Variants in TIAM1 observed in about 807,000 individuals in gnomAD.
TIAM1 encodes rho guanine nucleotide exchange factor TIAM1.
In TIAM1, 65 loss-of-function variants were observed where a neutral mutation model predicts 163.5. The observed-to-expected ratio is 0.40, with a 90% CI of 0.33 to 0.49. The LOEUF is 0.49. Among genes scored for constraint, TIAM1 ranks in the 20% least tolerant of loss-of-function variants. The pLI is 0.77. For synonymous variants in TIAM1, 833 were observed against 810.1 expected, an observed-to-expected ratio of 1.03 and a Z score of -0.48; for missense variants, 1,789 against 2,044.7, an observed-to-expected ratio of 0.87 and a Z score of 2.41.
At chr21:31,422,744 T>C (rs541227024) in intron 2 of TIAM1, among the ~76,000 whole-genome samples, 1 of 152,332 alleles carries the variant, frequency 6.6e-6, no homozygotes, top group South Asian at 2.1e-4. Context: ...TGAGTATCTT[T>C]GTACCTTTGC....
At chr21:31,435,111 G>A (rs914625294) in intron 2 of TIAM1, among the ~76,000 whole-genome samples, 6 of 151,972 alleles carry the variant, frequency 3.9e-5, no homozygotes, top group African/African-American at 9.7e-5. Flanking sequence ...CAAGAACTTC[G>A]GGGCCACTGG....
chr21:31,196,322 T>C (rs1222319017), intron 12 of TIAM1, among the ~76,000 whole-genome samples: 1 of 151,302 alleles, frequency 6.6e-6, no homozygotes, highest in Non-Finnish European at 1.5e-5. Context: ...TTTCTTTTTT[T>C]TTTTTTTCAC....
At chr21:31,413,617 CCTGT>C (rs1225645598) in intron 2 of TIAM1, among the ~76,000 whole-genome samples, 1 of 152,122 alleles carries the variant, frequency 6.6e-6, no homozygotes, top group Non-Finnish European at 1.5e-5. Context: ...CAGTTTTGCT[CCTGT>C]CTTTGTCCCC....
chr21:31,377,915 T>A (rs962877243), intron 2 of TIAM1, among the ~76,000 whole-genome samples: 12 of 151,098 alleles, frequency 7.9e-5, no homozygotes, highest in Admixed American at 6.6e-4. Context: ...GGTGGGCAGA[T>A]CACTTGAAGA....
intron 2 of TIAM1, among the ~76,000 whole-genome samples, chr21:31,418,639 G>A (rs2833400): frequency 0.24 from 36,440 of 152,062 alleles, 6,118 homozygotes; most frequent in African/African-American, 0.47. Flanking sequence ...AAGGTTAGCA[G>A]TAAGTGCAGC....
intron 2 of TIAM1, among the ~76,000 whole-genome samples, chr21:31,350,516 A>G (rs1158588425): frequency 6.6e-6 from 1 of 152,036 alleles, no homozygotes; most frequent in Non-Finnish European, 1.5e-5. Flanking sequence ...TGGATTTCTC[A>G]TGTAGAGTTG....
At chr21:31,458,346 G>A (rs931953110) in intron 2 of TIAM1, among the ~76,000 whole-genome samples, 3 of 151,976 alleles carry the variant, frequency 2.0e-5, no homozygotes, top group Non-Finnish European at 2.9e-5. Context: ...CTTGAACCCG[G>A]GAGACGGAGG....
In TIAM1 at chr21:31,173,532, A is replaced by AAG. The variant is rs57981769; in HGVS notation, c.2888-8469_2888-8468dup. Among the ~76,000 whole-genome samples, 339 of 147,958 alleles carry AAG rather than the reference A, an allele frequency of 2.3e-3. 1 individual carries two copies. Among genetic ancestry groups the AAG allele is most frequent in the Middle Eastern group, 7.0e-3 (2 of 284 alleles). ...CAAGAAAGAAAGAGAGAGCGAGAGAAAGAGAGAGAGAGAGAGAGAGAAAAG... is the reference window on the plus strand; with the variant it reads ...CAAGAAAGAAAGAGAGAGCGAGAGAAAGAGAGAGAGAGAGAGAGAGAGAAAAG... On this transcript the variant is annotated intron_variant, in intron 15 of 27. Coordinates refer to ENST00000541036, the MANE Select transcript of TIAM1 (RefSeq NM_001353694.2).
intron 1 of TIAM1, among the ~76,000 whole-genome samples, chr21:31,341,051 C>G (rs188381326): frequency 4.5e-4 from 68 of 152,160 alleles, no homozygotes; most frequent in Admixed American, 3.3e-4. Flanking sequence ...CTTCCTTCAC[C>G]TTCCATTGAG....
chr21:31,443,441 CT>C (rs1172298340), intron 2 of TIAM1, among the ~76,000 whole-genome samples: 1 of 152,202 alleles, frequency 6.6e-6, no homozygotes, highest in Non-Finnish European at 1.5e-5. Context: ...AAGGAAAGAT[CT>C]GATATTTTAA....
At chr21:31,424,167 A>G (rs1940928831) in intron 2 of TIAM1, among the ~76,000 whole-genome samples, 1 of 152,180 alleles carries the variant, frequency 6.6e-6, no homozygotes, top group African/African-American at 2.4e-5. Context: ...TTTCTTTTTC[A>G]TTTTTAATAG....
chr21:31,337,005 C>T (rs1416265260), intron 2 of TIAM1, among the ~76,000 whole-genome samples: 1 of 152,178 alleles, frequency 6.6e-6, no homozygotes, highest in African/African-American at 2.4e-5. Flanking sequence ...CCAAGCAACC[C>T]ACCCTGGAGG....
intron 1 of TIAM1, among the ~76,000 whole-genome samples, chr21:31,558,106 C>T (rs1313413120): frequency 6.6e-6 from 1 of 152,216 alleles, no homozygotes; most frequent in Admixed American, 6.5e-5. Context: ...CGGCGCGCTG[C>T]TCTCGCCCAA....
Position 31,182,506 on chromosome 21 carries a change from C to T in TIAM1, c.2802G>A (p.Val934=), listed in dbSNP as rs774791547. 2 of 1,613,404 alleles carry T rather than the reference C, an allele frequency of 1.2e-6. No homozygotes were observed. Among genetic ancestry groups the T allele is most frequent in the Admixed American group, 1.7e-5 (1 of 59,842 alleles). The change falls in exon 15 of 28, where the codon GTG becomes GTA. Residue 934 remains valine, a synonymous_variant. Transcript: ENST00000541036. ...VRTYPELEEG[V]ELLESPPHRV... ...GGTGGGGCGGGCTTTCCAGCAGCTC[C>T]ACTCCTTCCTCCAGCTCGGGGTAGG...
intron 1 of TIAM1, among the ~76,000 whole-genome samples, chr21:31,545,566 T>C (rs1385193335): frequency 6.6e-6 from 1 of 152,028 alleles, no homozygotes; most frequent in Non-Finnish European, 1.5e-5. Context: ...ACAACCATGA[T>C]TGGGACTGTG....
intron 16 of TIAM1, among the ~76,000 whole-genome samples, chr21:31,163,672 C>T (rs2084045967): frequency 2.0e-5 from 3 of 152,078 alleles, no homozygotes; most frequent in Admixed American, 6.5e-5. Flanking sequence ...AATGTACAAA[C>T]GTAGGTTTTC....
At chr21:31,240,548 C>T (rs1452785649) in intron 6 of TIAM1, among the ~76,000 whole-genome samples, 2 of 152,154 alleles carry the variant, frequency 1.3e-5, no homozygotes, top group Non-Finnish European at 2.9e-5. Flanking sequence ...TAGATCTCTA[C>T]ATCTTCCCCA....
rs539360880 is a variant in TIAM1 at position 31,192,633 on chromosome 21, T to C, written c.2575+2591A>G. 3.7e-4 allele frequency among the ~76,000 whole-genome samples: 56 copies of C among 151,998 alleles called. 1 individual carries two copies. Among genetic ancestry groups the C allele is most frequent in the South Asian group, 1.0e-3 (5 of 4,816 alleles). On this transcript the variant is annotated intron_variant, in intron 13 of 27. Coordinates refer to ENST00000541036, the MANE Select transcript of TIAM1 (RefSeq NM_001353694.2). Reference sequence around the variant, plus strand: ...CTTAAAAAAAAAAAAGACAGCTTAATAACTTGATTCAGAGAGAAATCTTAA... The same window carrying C: ...CTTAAAAAAAAAAAAGACAGCTTAACAACTTGATTCAGAGAGAAATCTTAA...
chr21:31,491,073 G>T (rs147406789), intron 1 of TIAM1, among the ~76,000 whole-genome samples: 1 of 152,198 alleles, frequency 6.6e-6, no homozygotes, highest in Non-Finnish European at 1.5e-5. Context: ...GGAGGTTGCC[G>T]TGAGCCGGGA....
Sources: allele counts gnomAD v4.1 joint callset (sites outside exome capture counted in the v4.1 genomes callset), GRCh38; gene constraint gnomAD v4.1.1; transcripts MANE v1.5; gene names NCBI Gene and HGNC (gene_info 2026-07-23, HGNC 2026-07-21).